VPS8: variants seen among roughly 807,000 people sequenced by gnomAD.
The protein encoded by VPS8 is VPS8 subunit of CORVET complex, also known as vacuolar protein sorting-associated protein 8 homolog.
A neutral mutation model predicts 216.4 loss-of-function variants in VPS8; 129 were observed. The ratio of observed to expected loss-of-function variants is 0.60; its 90% CI spans 0.52 to 0.69. The LOEUF is 0.69. Ranked by LOEUF, VPS8 falls within the 30% of genes least tolerant of loss-of-function variation. The probability of loss-of-function intolerance (pLI) is 0.00; values close to 1 mark genes in which losing one functional copy is unlikely to be tolerated. For missense variants in VPS8, 1,531 were observed against 1,683.5 expected (o/e 0.91, Z 1.59); for synonymous variants, 571 against 565.4 (o/e 1.01, Z -0.14).
At chr3:184,894,192 T>C (rs1172718225) in intron 22 of VPS8, among the ~76,000 whole-genome samples, 1 of 152,144 alleles carries the variant, frequency 6.6e-6, no homozygotes, top group East Asian at 1.9e-4. Flanking sequence ...CAAAGAAGCA[T>C]ATTGACTGCA....
Position 184,861,355 on chromosome 3 carries a change from T to G in VPS8, c.1224+1290T>G, listed in dbSNP as rs137994519. Among the ~76,000 whole-genome samples, 668 of 152,332 alleles carry G rather than the reference T, an allele frequency of 4.4e-3. 7 individuals are homozygous for G. Among genetic ancestry groups the G allele is most frequent in the African/African-American group, 0.015 (626 of 41,576 alleles). On this transcript the variant is annotated intron_variant, in intron 15 of 47. Transcript: ENST00000625842. ...TCTAATAAAAAGAATGAAAAAGTGC[T>G]TTTTCCTCAACTTGATAACTGTAAT...
chr3:185,033,257 T>G (rs1758426914), intron 46 of VPS8, among the ~76,000 whole-genome samples: 1 of 152,240 alleles, frequency 6.6e-6, no homozygotes, highest in Non-Finnish European at 1.5e-5. Context: ...ATAGCTTCAC[T>G]GCCCTCCAAA....
rs765510619 is a variant in VPS8, at chr3:185,031,063, G to GTTTTTTTTTTTTT, written c.4056+6690_4056+6702dup. Among the ~76,000 whole-genome samples, 18 of 64,358 alleles carry GTTTTTTTTTTTTT rather than the reference G, an allele frequency of 2.8e-4. 1 individual carries two copies. The highest frequency in any genetic ancestry group is 1.2e-3 in the African/African-American group (17 of 14,510). The allele number at this position is 64,358 out of a possible 152,430, so 42.2% of individuals were successfully genotyped here. A position where few individuals can be genotyped will look rare whatever the true frequency, so the allele number is the denominator to read the frequency against. ...AATTTTTGTTGAATTACAGGTTGGC[G>GTTTTTTTTTTTTT]TTTTTTTTTTTTTTTTTTTTTTTTT... On this transcript the variant is annotated intron_variant, in intron 46 of 47. Transcript: ENST00000625842.
intron 21 of VPS8, among the ~76,000 whole-genome samples, chr3:184,876,055 C>G (rs1729218315): frequency 1.3e-5 from 2 of 151,426 alleles, no homozygotes; most frequent in African/African-American, 4.8e-5. Flanking sequence ...TATTCCATGT[C>G]TATAAATTCT....
chr3:184,856,556 C>T (rs1477517112), intron 14 of VPS8, among the ~76,000 whole-genome samples: 4 of 152,160 alleles, frequency 2.6e-5, no homozygotes, highest in African/African-American at 9.7e-5. Flanking sequence ...CAGAAACTTA[C>T]GAGTTACTTT....
intron 38 of VPS8, 94 bp downstream of exon 38, chr3:184,964,651 A>G: frequency 2.9e-6 from 2 of 692,050 alleles, no homozygotes; most frequent in Non-Finnish European, 4.3e-6. Context: ...CCAGTTGCAG[A>G]CCGTAATATA....
intron 36 of VPS8, among the ~76,000 whole-genome samples, chr3:184,954,622 G>A (rs1745262639): frequency 6.6e-6 from 1 of 152,040 alleles, no homozygotes; most frequent in Non-Finnish European, 1.5e-5. Flanking sequence ...ATTTATCATG[G>A]GCTGCTTCTA....
chr3:184,915,087 T>C (rs1223439150), intron 27 of VPS8, 34 bp downstream of exon 27: 1 of 1,606,358 alleles, frequency 6.2e-7, no homozygotes, highest in Middle Eastern at 1.7e-4. Flanking sequence ...TTGACTGTTC[T>C]CCGTCTCTGG....
intron 42 of VPS8, among the ~76,000 whole-genome samples, chr3:184,993,324 TGTG>T (rs2109846047): frequency 6.6e-6 from 1 of 152,148 alleles, no homozygotes; most frequent in South Asian, 2.1e-4. Context: ...CAGTTTTTGG[TGTG>T]GTTTTTTGTT....
At chr3:184,953,558 G>A (rs1205287960) in intron 36 of VPS8, among the ~76,000 whole-genome samples, 1 of 152,146 alleles carries the variant, frequency 6.6e-6, no homozygotes, top group East Asian at 1.9e-4. Flanking sequence ...TCAGTCCTCA[G>A]GGGCCCCCTT....
chr3:184,936,293 C>T lies in VPS8; in HGVS notation c.2946C>T (p.Thr982=). The T allele has an allele frequency of 6.2e-7, 1 of 1,611,814 alleles. No individual in the cohort carries two copies. The highest frequency in any genetic ancestry group is 1.1e-5 in the South Asian group (1 of 90,408). Reference sequence around the variant, plus strand: ...GTAAAGCTGCGGAGCTGGTTGCCACCCACTTTTCTGGACATATTGAAACGG... The same window carrying T: ...GTAAAGCTGCGGAGCTGGTTGCCACTCACTTTTCTGGACATATTGAAACGG... ...KPCKAAELVA[T]HFSGHIETVI... The change falls in exon 35 of 48, where the codon ACC becomes ACT. Residue 982 remains threonine (T), a synonymous_variant. Coordinates refer to ENST00000625842, the MANE Select transcript of VPS8 (RefSeq NM_001009921.3).
At chr3:185,046,345 G>A (rs1354001531) in intron 46 of VPS8, among the ~76,000 whole-genome samples, 1 of 152,160 alleles carries the variant, frequency 6.6e-6, no homozygotes, top group African/African-American at 2.4e-5. Flanking sequence ...ATTTGCTTCT[G>A]AATATGCAGT....
chr3:185,049,367 C>G (rs944472543), intron 47 of VPS8, among the ~76,000 whole-genome samples: 1 of 152,130 alleles, frequency 6.6e-6, no homozygotes, highest in Non-Finnish European at 1.5e-5. Context: ...GGAATGATAC[C>G]TCTGTCATCC....
chr3:184,866,731 A>C (rs1727426536), intron 16 of VPS8, 145 bp from the exon 17 acceptor site: 1 of 698,376 alleles, frequency 1.4e-6, no homozygotes. Context: ...ATTTAAATGT[A>C]GACTGAGATA....
chr3:184,888,496 A>G (rs1358060726), intron 22 of VPS8, among the ~76,000 whole-genome samples: 3 of 152,196 alleles, frequency 2.0e-5, no homozygotes, highest in South Asian at 2.1e-4. Context: ...CTTTTTCTAA[A>G]TTAGTTTTCT....
At chr3:184,957,088 A>G (rs937316034) in intron 36 of VPS8, among the ~76,000 whole-genome samples, 1 of 152,242 alleles carries the variant, frequency 6.6e-6, no homozygotes. Context: ...TGTTTCTTTT[A>G]GAATAAAACA....
intron 36 of VPS8, among the ~76,000 whole-genome samples, chr3:184,946,723 A>G (rs2109368149): frequency 6.6e-6 from 1 of 152,248 alleles, no homozygotes; most frequent in Middle Eastern, 3.4e-3. Context: ...CAGGTACACT[A>G]CACATTGCCA....
chr3:184,893,475 A>T, intron 22 of VPS8: 1 of 507,388 alleles, frequency 2.0e-6, no homozygotes, highest in Non-Finnish European at 2.6e-6. Context: ...GAAGTGAATG[A>T]TACAAGGCAA....
chr3:184,972,976 G>A (rs1487938690), intron 40 of VPS8, among the ~76,000 whole-genome samples: 4 of 152,070 alleles, frequency 2.6e-5, no homozygotes, highest in Non-Finnish European at 5.9e-5. Flanking sequence ...AATAAATCAT[G>A]GCATATTTTC....
Sources: allele counts gnomAD v4.1 joint callset (sites outside exome capture counted in the v4.1 genomes callset), GRCh38; gene constraint gnomAD v4.1.1; transcripts MANE v1.5; gene names NCBI Gene and HGNC (gene_info 2026-07-23, HGNC 2026-07-21).